The following OSBPL10 variants were observed in gnomAD, a reference collection of about 807,000 sequenced individuals.
OSBPL10 encodes the protein oxysterol binding protein like 10.
In OSBPL10, 49 loss-of-function variants were observed where a neutral mutation model predicts 81.7. The observed-to-expected ratio is 0.60, with a 90% CI of 0.48 to 0.76. The LOEUF is 0.76. OSBPL10 is among the 30% of genes least tolerant of loss of function. The pLI, the probability that OSBPL10 is intolerant of heterozygous loss-of-function variation, is 0.00. For missense variants in OSBPL10, 923 were observed against 987.8 expected, an observed-to-expected ratio of 0.93 and a Z score of 0.88; for synonymous variants, 419 against 383.6, an observed-to-expected ratio of 1.09 and a Z score of -1.08.
At chr3:31,929,405 A>G (rs1399730316) in intron 1 of OSBPL10, among the ~76,000 whole-genome samples, 1 of 152,234 alleles carries the variant, frequency 6.6e-6, no homozygotes. Context: ...AAAAATAACC[A>G]GTTATAAAGT....
At chr3:31,843,272 G>C (rs1039701888) in intron 3 of OSBPL10, among the ~76,000 whole-genome samples, 17 of 152,316 alleles carry the variant, frequency 1.1e-4, no homozygotes, top group Middle Eastern at 3.4e-3. Context: ...TTGATCAATG[G>C]GAGATGGGTG....
intron 4 of OSBPL10, among the ~76,000 whole-genome samples, chr3:31,812,817 A>AGAAAGAAAGAAAGAAAGGAAG (rs1699740163): frequency 3.5e-5 from 1 of 28,572 alleles, no homozygotes; most frequent in Non-Finnish European, 6.4e-5. Context: ...AAAGAAAGAA[A>AGAAAGAAAGAAAGAAAGGAAG]GAGAAAGAAA....
At chr3:31,768,683 T>C (rs1216580455) in intron 4 of OSBPL10, among the ~76,000 whole-genome samples, 2 of 152,210 alleles carry the variant, frequency 1.3e-5, no homozygotes, top group African/African-American at 2.4e-5. Flanking sequence ...GCTCCCTTCC[T>C]AGGCTTCTGA....
At chr3:31,844,057 A>G (rs1317192527) in intron 3 of OSBPL10, among the ~76,000 whole-genome samples, 1 of 152,226 alleles carries the variant, frequency 6.6e-6, no homozygotes, top group Non-Finnish European at 1.5e-5. Flanking sequence ...AGCAATTATG[A>G]TAAGATGGCT....
chr3:31,845,074 C>T (rs1481012942), intron 3 of OSBPL10, among the ~76,000 whole-genome samples: 1 of 152,092 alleles, frequency 6.6e-6, no homozygotes, highest in Non-Finnish European at 1.5e-5. Context: ...AGAGCAAGAC[C>T]CTGTCTCAAT....
intron 1 of OSBPL10, among the ~76,000 whole-genome samples, chr3:31,890,681 A>T (rs1401635801): frequency 6.6e-6 from 1 of 152,180 alleles, no homozygotes; most frequent in African/African-American, 2.4e-5. Flanking sequence ...TTTAAGCCCG[A>T]AAGAACTGAG....
Position 31,800,000 on chromosome 3 carries a change from G to A in OSBPL10, c.729+30040C>T, listed in dbSNP as rs1037013887. Among the ~76,000 whole-genome samples, 3 of 152,144 alleles carry A rather than the reference G, an allele frequency of 2.0e-5. No homozygotes were observed. The East Asian group carries it at 5.8e-4, about 29-fold the overall frequency. The stretch of plus-strand genomic sequence containing the variant: ...TGGGATTACAGGCATGAGCCACCAC[G>A]CCCGGCCCCAAAGTGCATTTTTAAA... On this transcript the variant is annotated intron_variant, in intron 4 of 11. Coordinates refer to ENST00000396556, the MANE Select transcript of OSBPL10 (RefSeq NM_017784.5).
Position 31,933,924 on chromosome 3 carries a change from C to T in OSBPL10, c.281+46975G>A, listed in dbSNP as rs1276703789. Among the ~76,000 whole-genome samples, 6 of 151,994 alleles carry T rather than the reference C, an allele frequency of 3.9e-5. No individual in the cohort carries two copies. In the East Asian group the frequency reaches 5.8e-4, roughly 15 times the overall value. Reference sequence around the variant, plus strand: ...AGAAGACAGAAAAAAGTGTTAAGTGCTACAGTTAAGAATAAAATCATTCAA... The same window carrying T: ...AGAAGACAGAAAAAAGTGTTAAGTGTTACAGTTAAGAATAAAATCATTCAA... On this transcript the variant is annotated intron_variant, in intron 1 of 11. Coordinates refer to ENST00000396556, the MANE Select transcript of OSBPL10 (RefSeq NM_017784.5).
chr3:31,997,758 C>G (rs1356980994), intron 2 of OSBPL10, among the ~76,000 whole-genome samples: 1 of 151,956 alleles, frequency 6.6e-6, no homozygotes, highest in Non-Finnish European at 1.5e-5. Flanking sequence ...CAACTTGCCT[C>G]GCTGAGCCTC....
intron 1 of OSBPL10, among the ~76,000 whole-genome samples, chr3:31,957,116 CAG>C (rs1698031755): frequency 6.6e-6 from 1 of 152,084 alleles, no homozygotes; most frequent in Admixed American, 6.5e-5. Flanking sequence ...GCCTGGGCGA[CAG>C]AGTGAGGCCC....
intron 4 of OSBPL10, among the ~76,000 whole-genome samples, chr3:31,759,544 T>G (rs748301731): frequency 1.3e-5 from 2 of 152,210 alleles, no homozygotes; most frequent in Non-Finnish European, 2.9e-5. Context: ...TTTAAAATCC[T>G]GGCAAATGTA....
At chr3:31,933,622 T>C (rs4343665) in intron 1 of OSBPL10, among the ~76,000 whole-genome samples, 80,401 of 151,624 alleles carry the variant, frequency 0.53, 21,733 homozygotes, top group East Asian at 0.7. Flanking sequence ...GTTGTCTAGG[T>C]TGGTCTTCAA....
chr3:32,021,880 G>A (rs758225182), intron 2 of OSBPL10, among the ~76,000 whole-genome samples: 6 of 151,960 alleles, frequency 3.9e-5, no homozygotes, highest in Non-Finnish European at 2.9e-5. Flanking sequence ...TAGGGAGGCT[G>A]AGGTGGGAGG....
intron 4 of OSBPL10, among the ~76,000 whole-genome samples, chr3:31,803,560 T>C (rs1293963038): frequency 6.6e-6 from 1 of 152,188 alleles, no homozygotes; most frequent in Admixed American, 6.5e-5. Context: ...TTTGCGCAAC[T>C]TCCCCTAAGG....
intron 1 of OSBPL10, among the ~76,000 whole-genome samples, chr3:31,927,202 A>G (rs748505200): frequency 1.4e-4 from 20 of 146,108 alleles, no homozygotes; most frequent in Non-Finnish European, 2.8e-4. Context: ...AATCTGAAAT[A>G]AATTAAAACT....
intron 7 of OSBPL10, among the ~76,000 whole-genome samples, chr3:31,700,859 A>C (rs1695872422): frequency 6.6e-6 from 1 of 152,224 alleles, no homozygotes; most frequent in South Asian, 2.1e-4. Flanking sequence ...GGGGACTGAG[A>C]TGAAGGGAAG....
chr3:31,904,111 C>T (rs191916375), intron 1 of OSBPL10, among the ~76,000 whole-genome samples: 2 of 152,292 alleles, frequency 1.3e-5, no homozygotes, highest in African/African-American at 4.8e-5. Flanking sequence ...CACATTCTGC[C>T]TCTTCCGGCC....
At chr3:31,938,909 A>G (rs1697458926) in intron 1 of OSBPL10, among the ~76,000 whole-genome samples, 1 of 152,102 alleles carries the variant, frequency 6.6e-6, no homozygotes, top group South Asian at 2.1e-4. Flanking sequence ...AGAGTAAAGC[A>G]AGAACGCCTT....
chr3:31,950,143 T>C (rs1300426747), intron 1 of OSBPL10, among the ~76,000 whole-genome samples: 4 of 152,180 alleles, frequency 2.6e-5, no homozygotes, highest in Admixed American at 2.0e-4. Flanking sequence ...AGTAAGAACT[T>C]GTTTTTCAAA....
Sources: allele counts gnomAD v4.1 joint callset (sites outside exome capture counted in the v4.1 genomes callset), GRCh38; gene constraint gnomAD v4.1.1; transcripts MANE v1.5; gene names NCBI Gene and HGNC (gene_info 2026-07-23, HGNC 2026-07-21).